The following HS3ST3A1 variants were observed in gnomAD, a reference collection of about 807,000 sequenced individuals.
The protein encoded by HS3ST3A1 is heparan sulfate glucosamine 3-O-sulfotransferase 3A1.
In HS3ST3A1, 19 loss-of-function variants were observed where a neutral mutation model predicts 25.7. The observed-to-expected ratio is 0.74, with a 90% CI of 0.52 to 1.08. The LOEUF (loss-of-function observed/expected upper bound fraction) is 1.08. HS3ST3A1 is among the 50% of genes least tolerant of loss of function. The pLI, the probability that HS3ST3A1 is intolerant of heterozygous loss-of-function variation, is 0.00. For synonymous variants in HS3ST3A1, 226 were observed against 278.6 expected, an observed-to-expected ratio of 0.81 and a Z score of 1.88; for missense variants, 459 against 594.3, an observed-to-expected ratio of 0.77 and a Z score of 2.37.
intron 1 of HS3ST3A1, 134 bp downstream of exon 1, chr17:13,600,397 A>G (rs1356092956): frequency 1.1e-5 from 15 of 1,378,336 alleles, no homozygotes; most frequent in South Asian, 1.6e-5. Flanking sequence ...GGGAAGAAAG[A>G]CCCTTGACGA....
chr17:13,551,094 C>CA (rs1254794894), intron 1 of HS3ST3A1, among the ~76,000 whole-genome samples: 2 of 134,424 alleles, frequency 1.5e-5, no homozygotes, highest in African/African-American at 2.8e-5. Context: ...GAAATCAATT[C>CA]AAAAAAATCT....
At chr17:13,526,516 T>A (rs1392808669) in intron 1 of HS3ST3A1, among the ~76,000 whole-genome samples, 125 of 85,466 alleles carry the variant, frequency 1.5e-3, no homozygotes, top group African/African-American at 3.3e-3. Context: ...ATATATATAT[T>A]ATTGGGTTGG....
In HS3ST3A1 at chr17:13,600,641, G is replaced by A; in HGVS notation, c.489C>T (p.Gly163=). 1.3e-6 allele frequency: 2 copies of A among 1,593,986 alleles called. No individual in the cohort carries two copies. Among genetic ancestry groups the A allele is most frequent in the Non-Finnish European group, 8.5e-7 (1 of 1,175,696 alleles). Reference sequence around the variant, plus strand: ...GGAACTCCAGCAGCGCCCGCGTGCCGCCCTTCTTCACTCCGATGATGATGG... The same window carrying A: ...GGAACTCCAGCAGCGCCCGCGTGCCACCCTTCTTCACTCCGATGATGATGG... The part of the protein sequence containing the change: ...PQAIIIGVKK[G]GTRALLEFLR... The change falls in exon 1 of 2, where the codon GGC becomes GGT. Residue 163 remains glycine (G), a synonymous_variant. Coordinates refer to ENST00000284110, the MANE Select transcript of HS3ST3A1 (RefSeq NM_006042.3).
At chr17:13,549,293 A>C (rs1907177968) in intron 1 of HS3ST3A1, among the ~76,000 whole-genome samples, 1 of 152,206 alleles carries the variant, frequency 6.6e-6, no homozygotes, top group African/African-American at 2.4e-5. Context: ...CTGCAGACAC[A>C]TCTGAACATC....
chr17:13,574,863 C>G (rs1332619088), intron 1 of HS3ST3A1, among the ~76,000 whole-genome samples: 1 of 152,054 alleles, frequency 6.6e-6, no homozygotes, highest in Admixed American at 6.5e-5. Flanking sequence ...AACTGATGTC[C>G]AGGGTCCCTT....
At chr17:13,582,080 C>T (rs1406054033) in intron 1 of HS3ST3A1, among the ~76,000 whole-genome samples, 1 of 151,800 alleles carries the variant, frequency 6.6e-6, no homozygotes, top group Admixed American at 6.6e-5. Context: ...ACAGTTTGAC[C>T]AATGAACAAA....
At chr17:13,544,774 G>A (rs202129672) in intron 1 of HS3ST3A1, among the ~76,000 whole-genome samples, 2 of 147,750 alleles carry the variant, frequency 1.4e-5, no homozygotes, top group Non-Finnish European at 1.5e-5. Flanking sequence ...AACCCTCCAG[G>A]AAAAAAAAAA....
chr17:13,538,807 C>A (rs1354849095), intron 1 of HS3ST3A1, among the ~76,000 whole-genome samples: 1 of 152,108 alleles, frequency 6.6e-6, no homozygotes, highest in Non-Finnish European at 1.5e-5. Flanking sequence ...GGAAGAGGAT[C>A]ATGGAAGAGT....
chr17:13,560,467 G>A (rs1020154422), intron 1 of HS3ST3A1, among the ~76,000 whole-genome samples: 3 of 151,726 alleles, frequency 2.0e-5, no homozygotes, highest in Admixed American at 2.0e-4. Flanking sequence ...ACTTCCACGT[G>A]TATTACCTAC....
chr17:13,553,657 G>C (rs936033746), intron 1 of HS3ST3A1, among the ~76,000 whole-genome samples: 2 of 152,084 alleles, frequency 1.3e-5, no homozygotes, highest in Admixed American at 1.3e-4. Context: ...ATCATCCCTT[G>C]TTTTAAAAGC....
intron 1 of HS3ST3A1, among the ~76,000 whole-genome samples, chr17:13,533,069 T>G (rs887094459): frequency 6.6e-6 from 1 of 152,210 alleles, no homozygotes; most frequent in Middle Eastern, 3.4e-3. Context: ...TGCTCCATCC[T>G]TTTTATAGTG....
intron 1 of HS3ST3A1, among the ~76,000 whole-genome samples, chr17:13,513,155 C>A (rs1351546517): frequency 6.6e-6 from 1 of 152,128 alleles, no homozygotes; most frequent in African/African-American, 2.4e-5. Flanking sequence ...AAAACAAGGC[C>A]GGCAGACAGG....
intron 1 of HS3ST3A1, among the ~76,000 whole-genome samples, chr17:13,598,788 C>T (rs535445297): frequency 7.9e-5 from 12 of 152,014 alleles, no homozygotes; most frequent in Non-Finnish European, 1.2e-4. Flanking sequence ...GCAGATACAC[C>T]GTGCCCTCAA....
intron 1 of HS3ST3A1, among the ~76,000 whole-genome samples, chr17:13,554,958 C>G (rs1907333535): frequency 6.6e-6 from 1 of 152,080 alleles, no homozygotes. Context: ...TAGTATTCCT[C>G]AAGCCCCCTG....
At chr17:13,586,662 T>C (rs1057128387) in intron 1 of HS3ST3A1, among the ~76,000 whole-genome samples, 3 of 151,344 alleles carry the variant, frequency 2.0e-5, no homozygotes, top group Non-Finnish European at 4.4e-5. Flanking sequence ...GGTCAGCAGA[T>C]TGCAACCATC....
At chr17:13,583,372 A>G (rs769681606) in intron 1 of HS3ST3A1, among the ~76,000 whole-genome samples, 2 of 152,144 alleles carry the variant, frequency 1.3e-5, no homozygotes, top group Non-Finnish European at 2.9e-5. Flanking sequence ...ATGCAATGAA[A>G]TATTCTAAAT....
intron 1 of HS3ST3A1, among the ~76,000 whole-genome samples, chr17:13,553,054 CT>C: frequency 1.3e-5 from 2 of 152,232 alleles, no homozygotes; most frequent in African/African-American, 4.8e-5. Context: ...GTTAAAGCTT[CT>C]TTTGTTTTTC....
At chr17:13,593,034 A>G (rs1037620970) in intron 1 of HS3ST3A1, among the ~76,000 whole-genome samples, 12 of 152,152 alleles carry the variant, frequency 7.9e-5, no homozygotes, top group East Asian at 3.9e-4. Flanking sequence ...TTTTGCTCCT[A>G]TGGAAAGTTT....
At chr17:13,560,421 T>C (rs1907508803) in intron 1 of HS3ST3A1, among the ~76,000 whole-genome samples, 1 of 151,756 alleles carries the variant, frequency 6.6e-6, no homozygotes, top group Admixed American at 6.6e-5. Context: ...TTCTGAACTG[T>C]AACAGAGTTA....
Sources: gnomAD v4.1 joint callset for allele counts (sites outside exome capture counted in the v4.1 genomes callset) on GRCh38, gnomAD v4.1.1 for gene constraint, MANE v1.5 for transcripts, NCBI Gene and HGNC (gene_info 2026-07-23, HGNC 2026-07-21) for gene names.